GRIP1: variants seen among roughly 807,000 people sequenced by gnomAD.
GRIP1 encodes the protein glutamate receptor-interacting protein 1.
Under a neutral mutation model 129.9 loss-of-function variants are expected in GRIP1, and 45 were observed. The ratio of observed to expected loss-of-function variants is 0.35; its 90% CI spans 0.27 to 0.44. The LOEUF is 0.44. Ranked by LOEUF, GRIP1 falls within the 20% of genes least tolerant of loss-of-function variation. The pLI, the probability that GRIP1 is intolerant of heterozygous loss-of-function variation, is 1.00. For synonymous variants in GRIP1, 530 were observed against 520.8 expected, an observed-to-expected ratio of 1.02 and a Z score of -0.24; for missense variants, 1,196 against 1,396.8, an observed-to-expected ratio of 0.86 and a Z score of 2.29.
intron 2 of GRIP1, among the ~76,000 whole-genome samples, chr12:66,584,516 T>C (rs1296839760): frequency 1.3e-5 from 2 of 152,064 alleles, no homozygotes; most frequent in Non-Finnish European, 2.9e-5. Context: ...GAGGTTGCAA[T>C]GAGCTGAGGT....
At chr12:66,720,907 A>T (rs916078115) in intron 1 of GRIP1, among the ~76,000 whole-genome samples, 2 of 152,180 alleles carry the variant, frequency 1.3e-5, no homozygotes, top group Admixed American at 1.3e-4. Flanking sequence ...TATGAATCAC[A>T]AATGTTCTGA....
intron 1 of GRIP1, among the ~76,000 whole-genome samples, chr12:67,066,477 G>C (rs1428975697): frequency 6.6e-6 from 1 of 152,134 alleles, no homozygotes; most frequent in Non-Finnish European, 1.5e-5. Context: ...ATGGGTTTTA[G>C]AATGTTTACA....
intron 1 of GRIP1, among the ~76,000 whole-genome samples, chr12:66,751,326 A>C (rs1044243494): frequency 1.3e-5 from 2 of 152,186 alleles, no homozygotes; most frequent in Non-Finnish European, 2.9e-5. Flanking sequence ...TAGAGAAGCT[A>C]AGAGGGATGT....
chr12:66,761,238 T>G (rs562676618), intron 1 of GRIP1, among the ~76,000 whole-genome samples: 1 of 152,176 alleles, frequency 6.6e-6, no homozygotes, highest in Non-Finnish European at 1.5e-5. Flanking sequence ...AGTACAAGTC[T>G]TTTCTCCACT....
At chr12:66,693,001 T>C (rs1187888745) in intron 1 of GRIP1, among the ~76,000 whole-genome samples, 1 of 152,198 alleles carries the variant, frequency 6.6e-6, no homozygotes. Flanking sequence ...GTTGAGAATG[T>C]TACAGGAGTT....
At chr12:66,580,060 T>C (rs200738489) in intron 2 of GRIP1, among the ~76,000 whole-genome samples, 24,822 of 133,882 alleles carry the variant, frequency 0.19, 2,009 homozygotes, top group Admixed American at 0.21. Flanking sequence ...GCGGATCTCT[T>C]GGCAGAAACT....
At chr12:66,943,594 T>C (rs953598626) in intron 1 of GRIP1, among the ~76,000 whole-genome samples, 1 of 152,214 alleles carries the variant, frequency 6.6e-6, no homozygotes, top group African/African-American at 2.4e-5. Context: ...TATGCATGCC[T>C]CTATTCAATT....
intron 1 of GRIP1, among the ~76,000 whole-genome samples, chr12:66,887,247 TAAG>T (rs1416659326): frequency 3.9e-5 from 6 of 152,176 alleles, no homozygotes; most frequent in Non-Finnish European, 7.3e-5. Context: ...TATTAGGAAA[TAAG>T]AAAGACTGCT....
chr12:66,566,064 C>T (rs754123253), intron 2 of GRIP1, among the ~76,000 whole-genome samples: 28 of 152,302 alleles, frequency 1.8e-4, no homozygotes, highest in Non-Finnish European at 3.4e-4. Context: ...ATGTCATCTG[C>T]AAACAGAGAC....
chr12:66,601,371 G>A (rs1310281126), intron 1 of GRIP1, among the ~76,000 whole-genome samples: 1 of 152,140 alleles, frequency 6.6e-6, no homozygotes, highest in East Asian at 1.9e-4. Context: ...GTCTCCTCAT[G>A]CTCTCAAATC....
Position 66,372,436 on chromosome 12 carries a change from C to G in GRIP1, c.2779-509G>C, listed in dbSNP as rs2291744. ...TGATATAAAGGCAAGGGGTTCTTCC[C>G]AAGCTTCGTCTAGACTGTATATTGT... On this transcript the variant is annotated intron_variant, in intron 22 of 24. Transcript: ENST00000359742. The G allele has an allele frequency of 1.6e-3, 336 of 205,010 alleles. 5 individuals carry two copies. In the East Asian group the frequency reaches 0.037, roughly 22 times the overall value. The allele number at this position is 205,010 out of a possible 1,614,324, so 12.7% of individuals were successfully genotyped here.
chr12:66,759,356 G>A (rs1285926008), intron 1 of GRIP1, among the ~76,000 whole-genome samples: 1 of 152,190 alleles, frequency 6.6e-6, no homozygotes, highest in East Asian at 1.9e-4. Flanking sequence ...TGGCAACCCT[G>A]GGCCCAGCCC....
At chr12:66,496,624 A>G (rs927148361) in intron 7 of GRIP1, among the ~76,000 whole-genome samples, 1 of 152,150 alleles carries the variant, frequency 6.6e-6, no homozygotes, top group African/African-American at 2.4e-5. Flanking sequence ...CCAGACTAAT[A>G]TTTACTGTTA....
At chr12:66,831,519 T>C (rs935588237) in intron 1 of GRIP1, among the ~76,000 whole-genome samples, 10 of 152,212 alleles carry the variant, frequency 6.6e-5, no homozygotes, top group Non-Finnish European at 1.2e-4. Context: ...TTCAAAATTA[T>C]AACAGCTAAT....
In GRIP1 at chr12:66,612,661, A is replaced by T. The variant is rs77179196; in HGVS notation, c.56-15734T>A. On this transcript the variant is annotated intron_variant, in intron 1 of 24. Transcript: ENST00000359742. Reference sequence around the variant, plus strand: ...AACAAACAAACCACAAAACAAAAATAAAAAAAATTTAAATATCTAAATATA... The same window carrying T: ...AACAAACAAACCACAAAACAAAAATTAAAAAAATTTAAATATCTAAATATA... Among the ~76,000 whole-genome samples, 55 of 134,832 alleles carry T rather than the reference A, an allele frequency of 4.1e-4. 1 individual carries two copies. Among genetic ancestry groups the T allele is most frequent in the Admixed American group, 3.8e-3 (51 of 13,530 alleles). 88.5% of individuals were successfully genotyped at this position (134,832 alleles called of 152,430 possible). A position where few individuals can be genotyped will look rare whatever the true frequency, so the allele number is the denominator to read the frequency against.
intron 1 of GRIP1, among the ~76,000 whole-genome samples, chr12:66,827,817 T>C (rs889798580): frequency 6.6e-6 from 1 of 152,216 alleles, no homozygotes; most frequent in Non-Finnish European, 1.5e-5. Flanking sequence ...AAAAATTAGA[T>C]AGACATGTGT....
intron 1 of GRIP1, among the ~76,000 whole-genome samples, chr12:66,704,025 GAATA>G (rs1342815245): frequency 3.9e-5 from 6 of 151,904 alleles, no homozygotes; most frequent in South Asian, 2.1e-4. Flanking sequence ...CAATAAAAAA[GAATA>G]GATAGACCTA....
At chr12:66,382,844 A>T (rs906100568) in intron 19 of GRIP1, among the ~76,000 whole-genome samples, 2 of 152,238 alleles carry the variant, frequency 1.3e-5, no homozygotes, top group South Asian at 2.1e-4. Flanking sequence ...TTCTAGTAGC[A>T]TGTGAAAGTG....
At position 66,515,770 on chromosome 12, in the gene GRIP1, G is replaced by C; in HGVS notation, c.579-6C>G. ...CGGGTTTGATCGTGCCCTCTCTGAAGGGAGAATAAAGGAATAGTCTTGATT... is the reference window on the plus strand; with the variant it reads ...CGGGTTTGATCGTGCCCTCTCTGAACGGAGAATAAAGGAATAGTCTTGATT... On this transcript the variant is annotated splice_region_variant and splice_polypyrimidine_tract_variant and intron_variant, in intron 6 of 24. Coordinates refer to ENST00000359742, the MANE Select transcript of GRIP1 (RefSeq NM_001366722.1). The C allele has an allele frequency of 6.2e-7, 1 of 1,612,628 alleles. No homozygotes were observed. Among genetic ancestry groups the C allele is most frequent in the Non-Finnish European group, 8.5e-7 (1 of 1,178,694 alleles).
Sources: gnomAD v4.1 joint callset for allele counts (sites outside exome capture counted in the v4.1 genomes callset) on GRCh38, gnomAD v4.1.1 for gene constraint, MANE v1.5 for transcripts, NCBI Gene and HGNC (gene_info 2026-07-23, HGNC 2026-07-21) for gene names.